The following UBR3 variants were observed in gnomAD, a reference collection of about 807,000 sequenced individuals.
UBR3 encodes E3 ubiquitin-protein ligase UBR3.
Under a neutral mutation model 243.2 loss-of-function variants are expected in UBR3, and 85 were observed. The ratio of observed to expected loss-of-function variants is 0.35; its 90% CI spans 0.29 to 0.42. UBR3 has a LOEUF of 0.42. Ranked by LOEUF, UBR3 falls within the 10% of genes least tolerant of loss-of-function variation. The pLI is 1.00. For synonymous variants in UBR3, 748 were observed against 799.8 expected, an observed-to-expected ratio of 0.94 and a Z score of 1.09; for missense variants, 1,686 against 2,300.8, an observed-to-expected ratio of 0.73 and a Z score of 5.47.
chr2:170,056,003 C>CTTTTTTTTTTTTTTTTTT (rs34415442), intron 33 of UBR3, among the ~76,000 whole-genome samples: 2 of 88,916 alleles, frequency 2.2e-5, no homozygotes, highest in Non-Finnish European at 2.2e-5. Flanking sequence ...TCTTTTCTTT[C>CTTTTTTTTTTTTTTTTTT]TTTTTTTTTT....
intron 1 of UBR3, among the ~76,000 whole-genome samples, chr2:169,862,983 A>G (rs767555062): frequency 5.9e-5 from 9 of 152,232 alleles, no homozygotes; most frequent in South Asian, 2.1e-4. Flanking sequence ...TAATGTGTGT[A>G]GTAAGTTGAG....
chr2:169,836,634 C>CT (rs2082121696), intron 1 of UBR3, among the ~76,000 whole-genome samples: 1 of 146,330 alleles, frequency 6.8e-6, no homozygotes, highest in African/African-American at 2.6e-5. Context: ...TAATTCAGAA[C>CT]TTAAAAAAAA....
At chr2:169,939,535 G>T (rs1209773749) in intron 19 of UBR3, among the ~76,000 whole-genome samples, 1 of 151,510 alleles carries the variant, frequency 6.6e-6, no homozygotes, top group African/African-American at 2.4e-5. Flanking sequence ...CCAAAGTGCT[G>T]GGATTACAGG....
chr2:169,876,914 A>G (rs914893078), intron 3 of UBR3, among the ~76,000 whole-genome samples: 3 of 152,054 alleles, frequency 2.0e-5, no homozygotes, highest in Admixed American at 6.6e-5. Context: ...CCTTTCTTTA[A>G]CAGTAACAAC....
At position 169,927,410 on chromosome 2, in the gene UBR3, C is replaced by G; in HGVS notation, c.2424+5C>G. The G allele has an allele frequency of 6.5e-7, 1 of 1,533,100 alleles. No homozygotes were observed. The highest frequency in any genetic ancestry group is 8.8e-7 in the Non-Finnish European group (1 of 1,139,102). The allele number at this position is 1,533,100 out of a possible 1,614,324, so 95.0% of individuals were successfully genotyped here. A position where few individuals can be genotyped will look rare whatever the true frequency, so the allele number is the denominator to read the frequency against. On this transcript the variant is annotated splice_donor_5th_base_variant and intron_variant, in intron 17 of 38. Transcript: ENST00000272793. ...CACAGTTCATTGCTGGACCTCATATCCTTTTAAAATTTTACTTTCTGTTAG... is the reference window on the plus strand; with the variant it reads ...CACAGTTCATTGCTGGACCTCATATGCTTTTAAAATTTTACTTTCTGTTAG...
At position 169,923,982 on chromosome 2, in the gene UBR3, G is replaced by A; in HGVS notation, c.1920G>A (p.Met640Ile). Residue 640 changes from methionine to isoleucine, a missense_variant, in exon 12 of 39, where the codon ATG becomes ATA. Met to Ile is a conservative substitution (Grantham distance 10). Transcript: ENST00000272793. ...FHLPLHRYYAMFLSKAVKCQE... is the reference protein window; with the variant it reads ...FHLPLHRYYAIFLSKAVKCQE... ...TGCCACTACATCGTTACTATGCTATGTTTTTGAGTAAGGTAAGACTGTCAT... is the reference window on the plus strand; with the variant it reads ...TGCCACTACATCGTTACTATGCTATATTTTTGAGTAAGGTAAGACTGTCAT... 6.5e-7 allele frequency: 1 copy of A among 1,545,394 alleles called. No individual in the cohort carries two copies. The highest frequency in any genetic ancestry group is 8.7e-7 in the Non-Finnish European group (1 of 1,145,310).
At chr2:169,882,211 T>A (rs2083901831) in intron 5 of UBR3, among the ~76,000 whole-genome samples, 1 of 133,320 alleles carries the variant, frequency 7.5e-6, no homozygotes, top group Non-Finnish European at 1.5e-5. Context: ...TACACATTTA[T>A]ATATGTATAT....
chr2:169,904,269 A>G lies in UBR3; in HGVS notation c.1466-845A>G, dbSNP rs1039859129. 2.0e-5 allele frequency among the ~76,000 whole-genome samples: 3 copies of G among 152,188 alleles called. No individual in the cohort carries two copies. In the East Asian group the frequency reaches 5.8e-4, roughly 29 times the overall value. ...TTGTGTAATTATGATAAAAAGAACA[A>G]TTAGCATGAATAGAAACAAAAATTG... On this transcript the variant is annotated intron_variant, in intron 8 of 38. Coordinates refer to ENST00000272793, the MANE Select transcript of UBR3 (RefSeq NM_172070.4).
At chr2:169,925,470 G>A (rs1384028963) in intron 13 of UBR3, 149 bp from the exon 14 acceptor site, 2 of 682,456 alleles carry the variant, frequency 2.9e-6, no homozygotes, top group South Asian at 4.3e-5. Flanking sequence ...ATGTAAAAAT[G>A]TATATTTCAA....
intron 22 of UBR3, among the ~76,000 whole-genome samples, chr2:169,948,543 G>T (rs983219936): frequency 1.3e-5 from 2 of 152,026 alleles, no homozygotes; most frequent in African/African-American, 4.8e-5. Context: ...AGATTTTCGT[G>T]AGTAGAGAAC....
chr2:170,021,003 G>A (rs1265135474), intron 30 of UBR3, among the ~76,000 whole-genome samples: 2 of 152,030 alleles, frequency 1.3e-5, no homozygotes, highest in African/African-American at 2.4e-5. Flanking sequence ...TCAGAGATAA[G>A]GAGTACTGTT....
chr2:169,894,837 C>T (rs951118847), intron 6 of UBR3, among the ~76,000 whole-genome samples: 3 of 152,194 alleles, frequency 2.0e-5, no homozygotes, highest in African/African-American at 4.8e-5. Flanking sequence ...CCTGCTTAAG[C>T]AGTGTCACTG....
intron 8 of UBR3, among the ~76,000 whole-genome samples, chr2:169,901,365 T>G (rs1020852236): frequency 2.6e-5 from 4 of 152,198 alleles, no homozygotes; most frequent in Non-Finnish European, 5.9e-5. Flanking sequence ...TAAAACTATC[T>G]TTGGAAGCCT....
chr2:169,985,349 C>T (rs1464927270), intron 24 of UBR3, among the ~76,000 whole-genome samples: 1 of 151,510 alleles, frequency 6.6e-6, no homozygotes, highest in Non-Finnish European at 1.5e-5. Context: ...CTGCCTTAGC[C>T]TTCCAAGTAG....
intron 18 of UBR3, among the ~76,000 whole-genome samples, chr2:169,932,090 T>G (rs75650727): frequency 6.6e-6 from 1 of 151,908 alleles, no homozygotes; most frequent in African/African-American, 2.4e-5. Flanking sequence ...TTTTTTTTTT[T>G]TCTTGGAGAC....
At chr2:170,054,021 A>C (rs1157167288) in intron 32 of UBR3, among the ~76,000 whole-genome samples, 1 of 152,228 alleles carries the variant, frequency 6.6e-6, no homozygotes, top group Non-Finnish European at 1.5e-5. Context: ...ATAAATGTTA[A>C]TTATCAGTAT....
chr2:169,946,391 A>G lies in UBR3; in HGVS notation c.2909A>G (p.Glu970Gly). The G allele has an allele frequency of 6.8e-7, 1 of 1,474,126 alleles. No individual in the cohort carries two copies. Among genetic ancestry groups the G allele is most frequent in the Non-Finnish European group, 9.1e-7 (1 of 1,104,650 alleles). 91.3% of individuals were successfully genotyped at this position (1,474,126 alleles called of 1,614,324 possible). A position where few individuals can be genotyped will look rare whatever the true frequency, so the allele number is the denominator to read the frequency against. ...TCTGCTGAAGAAGAATCAGATGAAG[A>G]GGTAAGTAGTTTTTATAATTTAAAA... ...ENSAEEESDE[E>G]ASVGGPERCH... is the part of the protein sequence containing the mutation. Residue 970 changes from glutamate to glycine, a missense_variant and splice_region_variant, in exon 21 of 39, where the codon GAG (glutamate) becomes GGG (glycine). Physicochemically the swap from Glu to Gly is moderately conservative, Grantham distance 98 (BLOSUM62 -2). Coordinates refer to ENST00000272793, the MANE Select transcript of UBR3 (RefSeq NM_172070.4).
At chr2:170,054,118 TTTTTTA>T (rs750347885) in intron 32 of UBR3, among the ~76,000 whole-genome samples, 25 of 152,242 alleles carry the variant, frequency 1.6e-4, no homozygotes, top group Non-Finnish European at 3.4e-4. Context: ...TATTGCTAAG[TTTTTTA>T]TTTTTATTTT....
intron 30 of UBR3, among the ~76,000 whole-genome samples, chr2:170,019,797 GAC>G (rs1409281603): frequency 6.6e-6 from 1 of 152,136 alleles, no homozygotes; most frequent in Non-Finnish European, 1.5e-5. Flanking sequence ...ATTGTTGAGA[GAC>G]AGGTTCTCCC....
Sources: gnomAD v4.1 joint callset for allele counts (sites outside exome capture counted in the v4.1 genomes callset) on GRCh38, gnomAD v4.1.1 for gene constraint, MANE v1.5 for transcripts, NCBI Gene and HGNC (gene_info 2026-07-23, HGNC 2026-07-21) for gene names.